Variants in NRXN3 observed in about 807,000 individuals in gnomAD.
NRXN3 encodes the protein neurexin 3.
In NRXN3, 32 loss-of-function variants were observed where a neutral mutation model predicts 137.6. The observed-to-expected ratio is 0.23, with a 90% CI of 0.18 to 0.31. The LOEUF is 0.31. Ranked by LOEUF, NRXN3 falls within the 10% of genes least tolerant of loss-of-function variation. The pLI is 1.00. For synonymous variants in NRXN3, 798 were observed against 784.5 expected (o/e 1.02, Z -0.29); for missense variants, 1,574 against 2,062.5 (o/e 0.76, Z 4.59).
intron 4 of NRXN3, among the ~76,000 whole-genome samples, chr14:78,592,447 T>C (rs2097125560): frequency 6.6e-6 from 1 of 152,188 alleles, no homozygotes; most frequent in Non-Finnish European, 1.5e-5. Flanking sequence ...GGCCCAGGCA[T>C]GCAGAATATT....
chr14:79,348,378 C>CTCTCTCTTTTTTTTTTTTTTTTTT (rs535595782), intron 15 of NRXN3, among the ~76,000 whole-genome samples: 1 of 135,974 alleles, frequency 7.4e-6, no homozygotes, highest in African/African-American at 2.9e-5. Flanking sequence ...AATCTTCTCT[C>CTCTCTCTTTTTTTTTTTTTTTTTT]TTTTTTTTTT....
chr14:79,412,900 A>T (rs2095440322), intron 15 of NRXN3, among the ~76,000 whole-genome samples: 1 of 152,032 alleles, frequency 6.6e-6, no homozygotes. Flanking sequence ...TTGACTATTC[A>T]AACCAAAAGG....
At chr14:78,284,989 T>C (rs977494152) in intron 3 of NRXN3, among the ~76,000 whole-genome samples, 6 of 152,342 alleles carry the variant, frequency 3.9e-5, no homozygotes, top group East Asian at 1.9e-4. Flanking sequence ...AGAATGTAAA[T>C]GCAGGTCTGG....
intron 19 of NRXN3, among the ~76,000 whole-genome samples, chr14:79,733,674 GTT>G (rs57329051): frequency 1.3e-3 from 168 of 125,100 alleles, no homozygotes; most frequent in African/African-American, 2.4e-3. Flanking sequence ...TGCTGTTGTT[GTT>G]TTTTTTTTTT....
At chr14:78,670,225 G>A (rs2097921938) in intron 6 of NRXN3, among the ~76,000 whole-genome samples, 1 of 152,170 alleles carries the variant, frequency 6.6e-6, no homozygotes, top group African/African-American at 2.4e-5. Context: ...ATTCCATGGT[G>A]TATATGTGCC....
At chr14:78,831,555 A>T (rs998405715) in intron 10 of NRXN3, among the ~76,000 whole-genome samples, 2 of 151,270 alleles carry the variant, frequency 1.3e-5, no homozygotes, top group South Asian at 4.2e-4. Context: ...AAAAAAAAAA[A>T]AAAAAACAAC....
At chr14:78,375,581 C>G (rs1305542691) in intron 4 of NRXN3, among the ~76,000 whole-genome samples, 1 of 152,132 alleles carries the variant, frequency 6.6e-6, no homozygotes, top group African/African-American at 2.4e-5. Context: ...GAGAGACAAT[C>G]CCTCCATGCT....
chr14:78,507,864 G>A (rs2096023668), intron 4 of NRXN3, among the ~76,000 whole-genome samples: 1 of 152,198 alleles, frequency 6.6e-6, no homozygotes, highest in South Asian at 2.1e-4. Flanking sequence ...AGTCAAAGCT[G>A]TAATTTCTGC....
chr14:78,190,202 A>G (rs922369607), intron 1 of NRXN3, among the ~76,000 whole-genome samples: 2 of 152,334 alleles, frequency 1.3e-5, no homozygotes, highest in Non-Finnish European at 2.9e-5. Context: ...CTTGAGGGCC[A>G]AATGAGAATG....
chr14:78,239,411 T>G (rs764555386), intron 1 of NRXN3, among the ~76,000 whole-genome samples: 3 of 152,168 alleles, frequency 2.0e-5, no homozygotes, highest in Non-Finnish European at 4.4e-5. Flanking sequence ...AATTGAAGGG[T>G]TTTCTCTTTC....
Position 79,867,338 on chromosome 14 carries a change from G to A in NRXN3, c.*5374G>A, listed in dbSNP as rs193168074. ...AATACCACAGGCTGGGTAGACAACT[G>A]AAATGTATTTCTCAGTTCCAGAAAC... On this transcript the variant is annotated 3_prime_UTR_variant, in exon 21 of 21. Coordinates refer to ENST00000335750, the MANE Select transcript of NRXN3 (RefSeq NM_001330195.2). 7.2e-5 allele frequency: 11 copies of A among 152,326 alleles called. No individual in the cohort carries two copies. The highest frequency in any genetic ancestry group is 2.4e-4 in the African/African-American group (10 of 41,576). 9.4% of individuals were successfully genotyped at this position (152,326 alleles called of 1,614,324 possible).
chr14:78,498,914 C>T lies in NRXN3; in HGVS notation c.758-146206C>T, dbSNP rs72681592. Among the ~76,000 whole-genome samples the T allele has an allele frequency of 9.5e-3, 1,447 of 152,158 alleles. 19 individuals carry two copies. Among genetic ancestry groups the T allele is most frequent in the Middle Eastern group, 0.031 (9 of 294 alleles). On this transcript the variant is annotated intron_variant, in intron 4 of 20. Coordinates refer to ENST00000335750, the MANE Select transcript of NRXN3 (RefSeq NM_001330195.2). Reference sequence around the variant, plus strand: ...TAGTTGGGACTGCAGGCATGAACCACTGTGGCTGGTCAGCTCATAGCTCCA... The same window carrying T: ...TAGTTGGGACTGCAGGCATGAACCATTGTGGCTGGTCAGCTCATAGCTCCA...
At chr14:79,823,293 A>C (rs1000484210) in intron 20 of NRXN3, among the ~76,000 whole-genome samples, 1 of 152,206 alleles carries the variant, frequency 6.6e-6, no homozygotes, top group African/African-American at 2.4e-5. Context: ...AAATTTACTG[A>C]GTATTTATTG....
chr14:79,541,864 A>G (rs1352063365), intron 16 of NRXN3, among the ~76,000 whole-genome samples: 1 of 152,120 alleles, frequency 6.6e-6, no homozygotes, highest in Non-Finnish European at 1.5e-5. Context: ...GAGAAAACCT[A>G]TTGTAGGAAT....
At chr14:78,884,421 T>A (rs1230136801) in intron 10 of NRXN3, among the ~76,000 whole-genome samples, 2 of 152,188 alleles carry the variant, frequency 1.3e-5, no homozygotes, top group Non-Finnish European at 2.9e-5. Context: ...CCTGCCCACA[T>A]CAGTTTTTGT....
chr14:79,735,861 C>G (rs2098940095), intron 19 of NRXN3, among the ~76,000 whole-genome samples: 2 of 152,150 alleles, frequency 1.3e-5, no homozygotes, highest in South Asian at 4.1e-4. Context: ...AAGCTTCCTT[C>G]CAAAATGTGT....
intron 4 of NRXN3, among the ~76,000 whole-genome samples, chr14:78,618,525 C>T (rs148219011): frequency 1.3e-5 from 2 of 152,302 alleles, no homozygotes; most frequent in East Asian, 3.9e-4. Flanking sequence ...ACATGCAGCG[C>T]AGTCACCGTC....
chr14:79,064,420 A>G (rs968046543), intron 15 of NRXN3, among the ~76,000 whole-genome samples: 1 of 152,034 alleles, frequency 6.6e-6, no homozygotes, highest in East Asian at 1.9e-4. Context: ...GTTGTAATGG[A>G]AAGTTGAGGA....
At chr14:78,441,332 G>A (rs962626883) in intron 4 of NRXN3, among the ~76,000 whole-genome samples, 3 of 151,814 alleles carry the variant, frequency 2.0e-5, no homozygotes. Context: ...CTGCATCTTT[G>A]TTCTTGCAAT....
Sources: allele counts gnomAD v4.1 joint callset (sites outside exome capture counted in the v4.1 genomes callset), GRCh38; gene constraint gnomAD v4.1.1; transcripts MANE v1.5; gene names NCBI Gene and HGNC (gene_info 2026-07-23, HGNC 2026-07-21).